PHF19: variants seen among roughly 807,000 people sequenced by gnomAD.
PHF19 encodes PHD finger protein 19, also known as polycomb like 3.
A neutral mutation model predicts 79.8 loss-of-function variants in PHF19; 21 were observed. That is an observed-to-expected ratio of 0.26 (90% CI 0.19 to 0.38). PHF19 has a LOEUF of 0.38. PHF19 is among the 10% of genes least tolerant of loss of function. The pLI, the probability that PHF19 is intolerant of heterozygous loss-of-function variation, is 1.00. For missense variants in PHF19, 445 were observed against 744.2 expected, an observed-to-expected ratio of 0.60 and a Z score of 4.68; for synonymous variants, 273 against 296.3, an observed-to-expected ratio of 0.92 and a Z score of 0.81.
intron 3 of PHF19, 86 bp downstream of exon 3, chr9:120,873,893 G>A (rs1012056461): frequency 1.4e-6 from 1 of 735,544 alleles, no homozygotes; most frequent in Non-Finnish European, 2.4e-6. Context: ...AGTAAGAGAT[G>A]GAAGGACAGA....
At chr9:120,876,942 G>T in intron 1 of PHF19, 149 bp downstream of exon 1, 3 of 982,690 alleles carry the variant, frequency 3.1e-6, no homozygotes, top group Non-Finnish European at 3.6e-6. Flanking sequence ...TGCACCCCCG[G>T]TCCCCACCCC....
chr9:120,858,793 T>C (rs1309472599), intron 14 of PHF19, among the ~76,000 whole-genome samples: 1 of 138,212 alleles, frequency 7.2e-6, no homozygotes, highest in African/African-American at 2.7e-5. Context: ...AGAGCCTGGA[T>C]GGAGAGACTG....
At chr9:120,901,944 C>T in the PHF19 span, among the ~76,000 whole-genome samples, 1 of 152,200 alleles carries the variant, frequency 6.6e-6, no homozygotes, top group Non-Finnish European at 1.5e-5. Context: ...CAGCTGGAAC[C>T]TCCGGGGGCA....
intron 1 of PHF19, among the ~76,000 whole-genome samples, chr9:120,892,525 G>T (rs2046355692): frequency 6.6e-6 from 1 of 152,174 alleles, no homozygotes; most frequent in African/African-American, 2.4e-5. Context: ...CTCAGCAATG[G>T]TGTGCCAGTG....
intron 1 of PHF19, chr9:120,876,129 C>T (rs1450153031): frequency 2.0e-5 from 3 of 152,762 alleles, no homozygotes; most frequent in Non-Finnish European, 2.9e-5. Context: ...TGTGCGGGGC[C>T]CTGGGGCGAG....
intron 14 of PHF19, 101 bp from the exon 15 acceptor site, chr9:120,858,387 A>G: frequency 1.1e-6 from 1 of 874,044 alleles, no homozygotes; most frequent in Non-Finnish European, 1.7e-6. Flanking sequence ...AAAGTGGAAG[A>G]GAAAAGCGCT....
intron 1 of PHF19, among the ~76,000 whole-genome samples, chr9:120,893,157 A>G (rs2046363368): frequency 6.6e-6 from 1 of 152,238 alleles, no homozygotes; most frequent in Non-Finnish European, 1.5e-5. Flanking sequence ...AACACCAGAA[A>G]TACCCTCATC....
intron 1 of PHF19, among the ~76,000 whole-genome samples, chr9:120,890,049 G>T (rs929598015): frequency 5.9e-5 from 9 of 152,182 alleles, no homozygotes; most frequent in Admixed American, 3.3e-4. Context: ...AGCCCTGGAG[G>T]GCAGTGGGAT....
chr9:120,869,921 G>T lies in PHF19; in HGVS notation c.389C>A (p.Pro130His), dbSNP rs1398151415. The T allele has an allele frequency of 6.3e-7, 1 of 1,587,552 alleles. No individual in the cohort carries two copies. Among genetic ancestry groups the T allele is most frequent in the South Asian group, 1.1e-5 (1 of 87,392 alleles). ...GGGCTGGTCAGCACTGCCCGCTATGGGGATGTGGCACTGCTGGTGGTAACC... is the reference window on the plus strand; with the variant it reads ...GGGCTGGTCAGCACTGCCCGCTATGTGGATGTGGCACTGCTGGTGGTAACC... ...GLGYHQQCHI[P>H]IAGSADQPLL... The change falls in exon 5 of 15, where the codon CCC becomes CAC. Residue 130 changes from proline (P) to histidine (H), a missense_variant. By Grantham distance (77) the Pro-to-His change is moderately conservative (BLOSUM62 -2). Coordinates refer to ENST00000373896, the MANE Select transcript of PHF19 (RefSeq NM_015651.3). The surrounding 1 kb of genome is among the most constrained non-coding windows in gnomAD (Gnocchi z 5.8).
In PHF19 at chr9:120,858,231, G is replaced by C; in HGVS notation, c.1456C>G (p.Arg486Gly). Residue 486 changes from arginine (R) to glycine (G), a missense_variant, in exon 15 of 15, where the codon CGG becomes GGG. By Grantham distance (125) the Arg-to-Gly change is moderately radical. Transcript: ENST00000373896. ...AGCTCAGCTGCCCACCGCTTTGCCC[G>C]CAGGGGCATGTATGCCTTGGCTGCC... ...KLAAKAYMPL[R>G]AKRWAAELDG... The C allele has an allele frequency of 1.3e-6, 2 of 1,569,940 alleles. No individual in the cohort carries two copies. Among genetic ancestry groups the C allele is most frequent in the South Asian group, 2.3e-5 (2 of 85,458 alleles).
At chr9:120,863,059 G>T in intron 10 of PHF19, 1 of 365,428 alleles carries the variant, frequency 2.7e-6, no homozygotes, top group South Asian at 2.8e-5. Context: ...CCAGCTTACA[G>T]TGGAACTCCT....
At position 120,891,567 on chromosome 9, in the gene PHF19, C is replaced by T. The variant is rs2046343985; in HGVS notation, c.42+3221G>A. The stretch of plus-strand genomic sequence containing the variant: ...CCAGGTGGAGCGCCACCATAATTTA[C>T]AGCACACGACTCAAGACCCACCCAG... On this transcript the variant is annotated intron_variant, in intron 1 of 14. Coordinates refer to the PHF19 transcript ENST00000616568. The surrounding 1 kb of genome is among the most constrained non-coding windows in gnomAD (Gnocchi z 4.3). Among the ~76,000 whole-genome samples the T allele has an allele frequency of 1.3e-5, 2 of 152,186 alleles. No individual in the cohort carries two copies. Among genetic ancestry groups the T allele is most frequent in the South Asian group, 2.1e-4 (1 of 4,834 alleles).
intron 1 of PHF19, among the ~76,000 whole-genome samples, chr9:120,894,285 G>A (rs13301261): frequency 1.3e-5 from 2 of 152,234 alleles, no homozygotes; most frequent in African/African-American, 2.4e-5. Context: ...TGGAACCCAA[G>A]ATAAGGGCTC....
At chr9:120,880,156 C>T (rs1004178882), upstream of PHF19, among the ~76,000 whole-genome samples, 7 of 152,184 alleles carry the variant, frequency 4.6e-5, no homozygotes, top group African/African-American at 4.8e-5. Context: ...CGTCATTCAG[C>T]GCATAATTGT....
Position 120,874,785 on chromosome 9 carries a change from TCTTG to T in PHF19, c.-15-33_-15-30del. 1 of 1,487,704 alleles carries T rather than the reference TCTTG, an allele frequency of 6.7e-7. No individual in the cohort carries two copies. The highest frequency in any genetic ancestry group is 9.3e-7 in the Non-Finnish European group (1 of 1,073,408). The allele number at this position is 1,487,704 out of a possible 1,614,324, so 92.2% of individuals were successfully genotyped here. On this transcript the variant is annotated intron_variant, in intron 1 of 14. Transcript: ENST00000373896. The surrounding 1 kb of genome is among the most constrained non-coding windows in gnomAD (Gnocchi z 4.5). ...GGAGAGAAAGAACAGGGTTTTTGCT[TCTTG>T]CTTCCCTGCTTCAGAAAGCCCATCA...
intron 3 of PHF19, among the ~76,000 whole-genome samples, chr9:120,873,753 C>A (rs943574142): frequency 1.3e-5 from 2 of 152,242 alleles, no homozygotes; most frequent in African/African-American, 4.8e-5. Flanking sequence ...ACCTGCCCAT[C>A]CTCCCTCCTG....
In PHF19 at chr9:120,891,476, G is replaced by T. The variant is rs1588140242; in HGVS notation, c.42+3312C>A. On this transcript the variant is annotated intron_variant, in intron 1 of 14. Coordinates refer to the PHF19 transcript ENST00000616568. This position sits in a 1 kb window ranked among gnomAD's most constrained non-coding sequence, Gnocchi z 4.3. ...CAGAGACTCTGGTTTGATTGGCCTG[G>T]ATGTGGCCTAGGCATGGGGTGAAGA... Among the ~76,000 whole-genome samples the T allele has an allele frequency of 6.6e-6, 1 of 152,154 alleles. No individual in the cohort carries two copies. Among genetic ancestry groups the T allele is most frequent in the Admixed American group, 6.6e-5 (1 of 15,266 alleles).
In PHF19 at chr9:120,864,066, C is replaced by G. The variant is rs1247762562; in HGVS notation, c.951G>C (p.Leu317=). ...TDRGPHLLNA[L]NSYKSRFLCG... Reference sequence around the variant, plus strand: ...GCACGCACCGGCTTTTATAACTGTTCAGAGCGTTGAGGAGATGTGGTCCTC... The same window carrying G: ...GCACGCACCGGCTTTTATAACTGTTGAGAGCGTTGAGGAGATGTGGTCCTC... Residue 317 remains leucine (L), a synonymous_variant, in exon 10 of 15, where the codon CTG becomes CTC. Transcript: ENST00000373896. 6.2e-7 allele frequency: 1 copy of G among 1,613,876 alleles called. No homozygotes were observed. The highest frequency in any genetic ancestry group is 8.5e-7 in the Non-Finnish European group (1 of 1,179,900).
chr9:120,873,451 T>C (rs1000980740), intron 3 of PHF19, among the ~76,000 whole-genome samples: 1 of 152,228 alleles, frequency 6.6e-6, no homozygotes, highest in South Asian at 2.1e-4. Context: ...CATCCAGGCA[T>C]GTCCATCTTC....
Sources: gnomAD v4.1 joint callset for allele counts (sites outside exome capture counted in the v4.1 genomes callset) on GRCh38, gnomAD v4.1.1 for gene constraint, Gnocchi (gnomAD v3.1) non-coding constraint, MANE v1.5 for transcripts, NCBI Gene and HGNC (gene_info 2026-07-23, HGNC 2026-07-21) for gene names.